Variants in CAMK2D observed in about 807,000 individuals in gnomAD.
The protein encoded by CAMK2D is calcium/calmodulin dependent protein kinase II delta, also known as calcium/calmodulin-dependent protein kinase type II subunit delta.
Under a neutral mutation model 84.0 loss-of-function variants are expected in CAMK2D, and 37 were observed. That is an observed-to-expected ratio of 0.44 (90% CI 0.34 to 0.58). The LOEUF (loss-of-function observed/expected upper bound fraction) is 0.58, where lower values mean the gene tolerates loss of function less well. CAMK2D is among the 20% of genes least tolerant of loss of function. The pLI is 0.02. For synonymous variants in CAMK2D, 202 were observed against 212.5 expected (o/e 0.95, Z 0.43); for missense variants, 448 against 652.5 (o/e 0.69, Z 3.41).
intron 19 of CAMK2D, chr4:113,456,975 TCCTC>T (rs779756885): frequency 2.0e-5 from 4 of 197,310 alleles, no homozygotes; most frequent in African/African-American, 2.4e-5. Context: ...TTTTAGAAAC[TCCTC>T]CCTATGTTTT....
At chr4:113,566,409 C>T (rs1251182811) in intron 4 of CAMK2D, among the ~76,000 whole-genome samples, 2 of 152,190 alleles carry the variant, frequency 1.3e-5, no homozygotes, top group Admixed American at 1.3e-4. Context: ...TTGACTCCTC[C>T]AATATCCATT....
At chr4:113,642,797 C>A (rs1324864252) in intron 3 of CAMK2D, among the ~76,000 whole-genome samples, 2 of 151,896 alleles carry the variant, frequency 1.3e-5, no homozygotes, top group Admixed American at 1.3e-4. Context: ...CCCACCAGGG[C>A]AAGGGCAAAG....
At chr4:113,508,416 A>G (rs1405338592) in intron 13 of CAMK2D, 6 of 634,632 alleles carry the variant, frequency 9.5e-6, no homozygotes, top group Non-Finnish European at 1.7e-5. Flanking sequence ...AATGCGTTCT[A>G]TGTAAGGATA....
chr4:113,462,338 G>GTCTGTCTA (rs1554637439), intron 17 of CAMK2D, among the ~76,000 whole-genome samples: 74 of 130,526 alleles, frequency 5.7e-4, no homozygotes, highest in Admixed American at 1.1e-3. Context: ...CTGTCTGTCT[G>GTCTGTCTA]TCTATCTATC....
intron 6 of CAMK2D, among the ~76,000 whole-genome samples, chr4:113,542,140 A>G (rs2098534150): frequency 6.6e-6 from 1 of 152,216 alleles, no homozygotes; most frequent in Non-Finnish European, 1.5e-5. Flanking sequence ...TGAAAGAACC[A>G]GAGTGTAACT....
At chr4:113,728,254 TG>T (rs561170379) in intron 2 of CAMK2D, among the ~76,000 whole-genome samples, 2 of 152,180 alleles carry the variant, frequency 1.3e-5, no homozygotes, top group Non-Finnish European at 2.9e-5. Flanking sequence ...ACAATCTAAA[TG>T]TCCCTCAACA....
At chr4:113,459,688 G>C (rs1173780885) in intron 18 of CAMK2D, among the ~76,000 whole-genome samples, 1 of 130,358 alleles carries the variant, frequency 7.7e-6, no homozygotes, top group African/African-American at 3.0e-5. Flanking sequence ...GCCCAGGCTT[G>C]CGATCTTGGC....
chr4:113,690,647 A>G (rs979708770), intron 2 of CAMK2D, among the ~76,000 whole-genome samples: 6 of 152,200 alleles, frequency 3.9e-5, no homozygotes, highest in African/African-American at 1.4e-4. Context: ...TTTGCCACGT[A>G]TGATGATTAG....
chr4:113,461,071 C>T (rs573887028), intron 17 of CAMK2D, among the ~76,000 whole-genome samples: 2 of 152,222 alleles, frequency 1.3e-5, no homozygotes, highest in South Asian at 4.1e-4. Flanking sequence ...AAGTATCACA[C>T]CCTACACTTC....
At chr4:113,726,078 G>C (rs1382441010) in intron 2 of CAMK2D, among the ~76,000 whole-genome samples, 1 of 152,178 alleles carries the variant, frequency 6.6e-6, no homozygotes, top group African/African-American at 2.4e-5. Flanking sequence ...AAATATTTAA[G>C]TTTATTGAGA....
intron 3 of CAMK2D, among the ~76,000 whole-genome samples, chr4:113,661,311 T>C (rs1180818335): frequency 1.3e-5 from 2 of 152,204 alleles, no homozygotes; most frequent in African/African-American, 4.8e-5. Flanking sequence ...AGAAAGGACA[T>C]TGAACTCATT....
At chr4:113,701,956 C>T (rs1179240955) in intron 2 of CAMK2D, among the ~76,000 whole-genome samples, 1 of 152,164 alleles carries the variant, frequency 6.6e-6, no homozygotes, top group Non-Finnish European at 1.5e-5. Context: ...CTTCCTCGGT[C>T]TCCCAAAGTG....
intron 6 of CAMK2D, among the ~76,000 whole-genome samples, chr4:113,546,554 A>G (rs1225501692): frequency 6.6e-6 from 1 of 152,242 alleles, no homozygotes; most frequent in African/African-American, 2.4e-5. Context: ...CTTCTAGAAC[A>G]TTAAGTGACT....
At chr4:113,727,861 T>C (rs1247838842) in intron 2 of CAMK2D, among the ~76,000 whole-genome samples, 1 of 152,112 alleles carries the variant, frequency 6.6e-6, no homozygotes, top group African/African-American at 2.4e-5. Context: ...GCAAAAGTCT[T>C]AAATACTTCA....
In CAMK2D at chr4:113,761,230, G is replaced by C; in HGVS notation, c.-162C>G. On this transcript the variant is annotated 5_prime_UTR_variant, in exon 1 of 21. Coordinates refer to ENST00000511664, the MANE Select transcript of CAMK2D (RefSeq NM_001321571.2). ...GCGAGGGAGTGTGCGCAGGGGCGGG[G>C]CGGGAGGGGAGATGACCAGAAAGGG... The C allele has an allele frequency of 6.7e-7, 1 of 1,489,112 alleles. No individual in the cohort carries two copies. The highest frequency in any genetic ancestry group is 2.4e-4 in the Middle Eastern group (1 of 4,208). 92.2% of individuals were successfully genotyped at this position (1,489,112 alleles called of 1,614,324 possible). A position where few individuals can be genotyped will look rare whatever the true frequency, so the allele number is the denominator to read the frequency against.
intron 2 of CAMK2D, among the ~76,000 whole-genome samples, chr4:113,677,160 T>A (rs541987363): frequency 6.6e-6 from 1 of 152,324 alleles, no homozygotes; most frequent in South Asian, 2.1e-4. Flanking sequence ...AAAGCAAGTA[T>A]CTTTTCTTCA....
chr4:113,593,577 T>G (rs188562671), intron 4 of CAMK2D, among the ~76,000 whole-genome samples: 84 of 151,822 alleles, frequency 5.5e-4, no homozygotes, highest in African/African-American at 1.9e-3. Flanking sequence ...TCACAGTGAA[T>G]ACCAGAGGAA....
chr4:113,708,462 C>T (rs1181910369), intron 2 of CAMK2D, among the ~76,000 whole-genome samples: 3 of 152,178 alleles, frequency 2.0e-5, no homozygotes, highest in Admixed American at 6.5e-5. Context: ...AGTTCATGTC[C>T]TTTAGCCACC....
At chr4:113,480,272 ATAT>A (rs1195297695) in intron 16 of CAMK2D, among the ~76,000 whole-genome samples, 2 of 152,160 alleles carry the variant, frequency 1.3e-5, no homozygotes, top group African/African-American at 4.8e-5. Flanking sequence ...CAGCATTGAC[ATAT>A]TATTATCCCT....
Sources: gnomAD v4.1 joint callset for allele counts (sites outside exome capture counted in the v4.1 genomes callset) on GRCh38, gnomAD v4.1.1 for gene constraint, MANE v1.5 for transcripts, NCBI Gene and HGNC (gene_info 2026-07-23, HGNC 2026-07-21) for gene names.